The following DLGAP2 variants were observed in gnomAD, a reference collection of about 807,000 sequenced individuals.
DLGAP2 encodes DLG associated protein 2.
Under a neutral mutation model 100.3 loss-of-function variants are expected in DLGAP2, and 26 were observed. That is an observed-to-expected ratio of 0.26 (90% CI 0.19 to 0.36). The LOEUF (loss-of-function observed/expected upper bound fraction) is 0.36, where lower values mean the gene tolerates loss of function less well. Among genes scored for constraint, DLGAP2 ranks in the 10% least tolerant of loss-of-function variants. The pLI is 1.00. For synonymous variants in DLGAP2, 886 were observed against 630.1 expected (o/e 1.41, Z -6.08); for missense variants, 1,858 against 1,453.2 (o/e 1.28, Z -4.53).
At chr8:1,667,630 T>A (rs898431659) in intron 8 of DLGAP2, among the ~76,000 whole-genome samples, 2 of 152,212 alleles carry the variant, frequency 1.3e-5, no homozygotes, top group African/African-American at 4.8e-5. Context: ...ACAGTGCCCA[T>A]CCTGTCACTC....
chr8:1,690,164 TG>T (rs1799221135), intron 12 of DLGAP2, among the ~76,000 whole-genome samples: 1 of 151,936 alleles, frequency 6.6e-6, no homozygotes, highest in South Asian at 2.1e-4. Context: ...GAGACCAGCC[TG>T]GCCAACATGG....
chr8:1,673,431 G>A (rs1323037266), intron 10 of DLGAP2, among the ~76,000 whole-genome samples: 1 of 152,092 alleles, frequency 6.6e-6, no homozygotes, highest in Non-Finnish European at 1.5e-5. Flanking sequence ...GCTCCTCCTG[G>A]CCAAGTATGA....
Position 1,279,845 on chromosome 8 carries a change from T to G in DLGAP2, c.106+20962T>G, listed in dbSNP as rs1799780024. Reference sequence around the variant, plus strand: ...ACTCACGGGAGGGACACCCATGACCTTGACCGCCCTCTGTTGAGTAGCAGT... The same window carrying G: ...ACTCACGGGAGGGACACCCATGACCGTGACCGCCCTCTGTTGAGTAGCAGT... On this transcript the variant is annotated intron_variant, in intron 3 of 14. Coordinates refer to ENST00000637795, the MANE Select transcript of DLGAP2 (RefSeq NM_001346810.2). Among the ~76,000 whole-genome samples, 4 of 152,202 alleles carry G rather than the reference T, an allele frequency of 2.6e-5. No individual in the cohort carries two copies. The South Asian group carries it at 8.3e-4, about 32-fold the overall frequency.
At chr8:1,134,567 A>G (rs1796364839) in intron 2 of DLGAP2, among the ~76,000 whole-genome samples, 1 of 152,206 alleles carries the variant, frequency 6.6e-6, no homozygotes. Flanking sequence ...AATCATATTA[A>G]TAATGTAAGC....
At chr8:1,263,012 C>G (rs188185205) in intron 3 of DLGAP2, among the ~76,000 whole-genome samples, 9 of 152,202 alleles carry the variant, frequency 5.9e-5, no homozygotes, top group African/African-American at 2.2e-4. Context: ...ATTTGAAATC[C>G]ACAGTGACGT....
intron 1 of DLGAP2, among the ~76,000 whole-genome samples, chr8:855,165 C>T (rs1016115873): frequency 4.6e-5 from 7 of 152,088 alleles, no homozygotes; most frequent in African/African-American, 9.7e-5. Context: ...AACGTGGGCA[C>T]GAAGATTTTT....
At chr8:1,313,685 C>G (rs1422522826) in intron 3 of DLGAP2, among the ~76,000 whole-genome samples, 1 of 152,144 alleles carries the variant, frequency 6.6e-6, no homozygotes, top group East Asian at 1.9e-4. Flanking sequence ...CCACCTGAAC[C>G]TGATGGTCAC....
intron 1 of DLGAP2, among the ~76,000 whole-genome samples, chr8:771,729 A>T (rs1234957268): frequency 6.6e-6 from 1 of 152,238 alleles, no homozygotes; most frequent in Non-Finnish European, 1.5e-5. Context: ...TTATCCTCAG[A>T]AGCTCCTTTA....
chr8:1,637,150 C>G (rs1797785957), intron 8 of DLGAP2, among the ~76,000 whole-genome samples: 1 of 152,220 alleles, frequency 6.6e-6, no homozygotes, highest in African/African-American at 2.4e-5. Context: ...CCACATACCT[C>G]TGACCGGGCC....
chr8:1,634,998 G>A (rs888724424), intron 8 of DLGAP2, among the ~76,000 whole-genome samples: 6 of 152,152 alleles, frequency 3.9e-5, no homozygotes, highest in Non-Finnish European at 7.4e-5. Flanking sequence ...TGATGCAGGG[G>A]ACTGTCCAAG....
intron 1 of DLGAP2, among the ~76,000 whole-genome samples, chr8:847,464 T>G (rs1278694668): frequency 6.6e-6 from 1 of 152,150 alleles, no homozygotes; most frequent in African/African-American, 2.4e-5. Flanking sequence ...AATTTTAAAA[T>G]GATCTTTTTG....
At chr8:1,277,023 G>A (rs901104136) in intron 3 of DLGAP2, among the ~76,000 whole-genome samples, 4 of 151,994 alleles carry the variant, frequency 2.6e-5, no homozygotes, top group African/African-American at 9.7e-5. Flanking sequence ...TTACTGAATT[G>A]GTCCCCTTTT....
At position 1,267,593 on chromosome 8, in the gene DLGAP2, T is replaced by TAAA. The variant is rs1188791222; in HGVS notation, c.106+8712_106+8713insAAA. 1.3e-3 allele frequency among the ~76,000 whole-genome samples: 46 copies of TAAA among 34,466 alleles called. 3 individuals carry two copies. The highest frequency in any genetic ancestry group is 2.3e-3 in the African/African-American group (19 of 8,266). The allele number at this position is 34,466 out of a possible 152,430, so 22.6% of individuals were successfully genotyped here. On this transcript the variant is annotated intron_variant, in intron 3 of 14. Transcript: ENST00000637795. ...TAAAATAAAATAAAATAAAATAAGA[T>TAAA]AAGATAAGATAAGATAAGATAAGAT...
intron 2 of DLGAP2, among the ~76,000 whole-genome samples, chr8:1,231,887 C>A (rs1798543217): frequency 6.6e-6 from 1 of 152,022 alleles, no homozygotes; most frequent in Non-Finnish European, 1.5e-5. Flanking sequence ...CAGTCATACC[C>A]CCAAATCTCA....
intron 2 of DLGAP2, among the ~76,000 whole-genome samples, chr8:990,312 C>G (rs572744566): frequency 1.3e-3 from 192 of 146,134 alleles, no homozygotes; most frequent in South Asian, 3.0e-3. Flanking sequence ...GTGGCCCAGA[C>G]CCCCTGCACC....
intron 3 of DLGAP2, among the ~76,000 whole-genome samples, chr8:1,461,316 T>C (rs28462338): frequency 7.0e-5 from 3 of 42,664 alleles, no homozygotes; most frequent in Admixed American, 2.9e-4. Flanking sequence ...GGGAGAAGGG[T>C]GGCATTTGGG....
chr8:1,386,369 T>C (rs1030768127), intron 3 of DLGAP2, among the ~76,000 whole-genome samples: 6 of 152,166 alleles, frequency 3.9e-5, no homozygotes, highest in African/African-American at 1.4e-4. Flanking sequence ...AAAACTCCCA[T>C]ACACCAGCAT....
chr8:1,369,675 C>T (rs1318735331), intron 3 of DLGAP2: 1 of 152,282 alleles, frequency 6.6e-6, no homozygotes, highest in African/African-American at 2.4e-5. Flanking sequence ...CTTGCACGCC[C>T]TGTCCAAATA....
chr8:831,131 C>T (rs1340107605), intron 1 of DLGAP2, among the ~76,000 whole-genome samples: 1 of 151,638 alleles, frequency 6.6e-6, no homozygotes. Flanking sequence ...CTCCTGACAT[C>T]AGGTGATCTG....
Sources: gnomAD v4.1 joint callset for allele counts (sites outside exome capture counted in the v4.1 genomes callset) on GRCh38, gnomAD v4.1.1 for gene constraint, MANE v1.5 for transcripts, NCBI Gene and HGNC (gene_info 2026-07-23, HGNC 2026-07-21) for gene names.